Variants in HOOK3 observed in about 807,000 individuals in gnomAD.
HOOK3 encodes protein Hook homolog 3.
Under a neutral mutation model 116.3 loss-of-function variants are expected in HOOK3, and 24 were observed. That is an observed-to-expected ratio of 0.21 (90% CI 0.15 to 0.29). The LOEUF (loss-of-function observed/expected upper bound fraction) is 0.29, where lower values mean the gene tolerates loss of function less well. HOOK3 is among the 10% of genes least tolerant of loss of function. The pLI is 1.00. For synonymous variants in HOOK3, 275 were observed against 283.0 expected, an observed-to-expected ratio of 0.97 and a Z score of 0.28; for missense variants, 632 against 830.2, an observed-to-expected ratio of 0.76 and a Z score of 2.93.
rs1393289018 is a variant in HOOK3, at chr8:42,951,141, ACCT to A, written c.468+689_468+691del. On this transcript the variant is annotated intron_variant, in intron 6 of 21. Coordinates refer to ENST00000307602, the MANE Select transcript of HOOK3 (RefSeq NM_032410.4). The stretch of plus-strand genomic sequence containing the variant: ...AATGGTGTGATCTTGGCTCACTGCA[ACCT>A]CCACCACCCAGGTTCAAGCAATTCT... Among the ~76,000 whole-genome samples, 3 of 151,606 alleles carry A rather than the reference ACCT, an allele frequency of 2.0e-5. No individual in the cohort carries two copies. In the East Asian group the frequency reaches 5.8e-4, roughly 29 times the overall value.
chr8:42,953,214 A>G (rs937763423), intron 6 of HOOK3, among the ~76,000 whole-genome samples: 2 of 148,972 alleles, frequency 1.3e-5, no homozygotes, highest in African/African-American at 4.9e-5. Flanking sequence ...ATTCTGCCTT[A>G]GTGTAGTTGA....
intron 15 of HOOK3, among the ~76,000 whole-genome samples, chr8:42,996,203 T>C (rs961803506): frequency 7.2e-5 from 11 of 151,834 alleles, no homozygotes; most frequent in Non-Finnish European, 1.2e-4. Flanking sequence ...CTGATCAACA[T>C]AGTGAAACCC....
chr8:42,915,722 A>G (rs985928976), intron 2 of HOOK3, among the ~76,000 whole-genome samples: 1 of 152,112 alleles, frequency 6.6e-6, no homozygotes, highest in African/African-American at 2.4e-5. Context: ...ATGAGCCACC[A>G]TGCCTGGCCA....
chr8:42,974,531 G>A lies in HOOK3; in HGVS notation c.1321+337G>A, dbSNP rs1450667495. 3.9e-5 allele frequency among the ~76,000 whole-genome samples: 6 copies of A among 152,296 alleles called. No individual in the cohort carries two copies. The East Asian group carries it at 1.2e-3, about 29-fold the overall frequency. On this transcript the variant is annotated intron_variant, in intron 13 of 21. Coordinates refer to ENST00000307602, the MANE Select transcript of HOOK3 (RefSeq NM_032410.4). Reference sequence around the variant, plus strand: ...TGGGATTATAGGCGTGAGCCACCACGCCCAGCCAGATGATTTATTTCTAGT... The same window carrying A: ...TGGGATTATAGGCGTGAGCCACCACACCCAGCCAGATGATTTATTTCTAGT...
Position 43,023,862 on chromosome 8 carries a change from T to C in HOOK3, c.*5364T>C, listed in dbSNP as rs1193007376. ...TCCTGCTCCCTCACAAAAATTCACCTGTCATTTTAATGATAACAGCATGTT... is the reference window on the plus strand; with the variant it reads ...TCCTGCTCCCTCACAAAAATTCACCCGTCATTTTAATGATAACAGCATGTT... On this transcript the variant is annotated 3_prime_UTR_variant, in exon 22 of 22. Transcript: ENST00000307602. 1 of 204,690 alleles carries C rather than the reference T, an allele frequency of 4.9e-6. No individual in the cohort carries two copies. The highest frequency in any genetic ancestry group is 2.3e-5 in the African/African-American group (1 of 43,884). 12.7% of individuals were successfully genotyped at this position (204,690 alleles called of 1,614,324 possible).
At chr8:42,992,187 TCAGGAGATTGAGAC>T (rs74368602) in intron 15 of HOOK3, among the ~76,000 whole-genome samples, 12,243 of 151,478 alleles carry the variant, frequency 0.081, 561 homozygotes, top group African/African-American at 0.13. Context: ...GATCACGAGG[TCAGGAGATTGAGAC>T]CATCCTGGCG....
intron 11 of HOOK3, among the ~76,000 whole-genome samples, chr8:42,971,413 C>T (rs1251781253): frequency 2.0e-5 from 3 of 149,620 alleles, no homozygotes; most frequent in Admixed American, 6.7e-5. Flanking sequence ...ATTACAGGCA[C>T]CTGCCACCAT....
At chr8:42,949,626 A>G (rs897830774) in intron 5 of HOOK3, 4 of 152,232 alleles carry the variant, frequency 2.6e-5, no homozygotes, top group Non-Finnish European at 5.9e-5. Flanking sequence ...TGTAGAAGAA[A>G]ATATTAAGCC....
intron 2 of HOOK3, among the ~76,000 whole-genome samples, chr8:42,925,124 G>T (rs1807738753): frequency 6.6e-6 from 1 of 151,918 alleles, no homozygotes; most frequent in Non-Finnish European, 1.5e-5. Flanking sequence ...TTGAGACAGG[G>T]TCTCACTCTG....
chr8:42,958,153 G>A (rs973641296), intron 7 of HOOK3, among the ~76,000 whole-genome samples: 8 of 152,114 alleles, frequency 5.3e-5, no homozygotes, highest in Admixed American at 3.3e-4. Context: ...TCTTAATGAA[G>A]TGTTAATTAC....
chr8:42,901,677 A>G (rs1807192269), intron 1 of HOOK3, among the ~76,000 whole-genome samples: 1 of 152,200 alleles, frequency 6.6e-6, no homozygotes, highest in Non-Finnish European at 1.5e-5. Context: ...ACAAAAATGA[A>G]AATTTAGCTT....
At chr8:42,989,962 C>A (rs1277046328) in intron 15 of HOOK3, among the ~76,000 whole-genome samples, 2 of 152,078 alleles carry the variant, frequency 1.3e-5, no homozygotes, top group East Asian at 3.9e-4. Flanking sequence ...TCTACATCTA[C>A]ATATACCACA....
intron 3 of HOOK3, among the ~76,000 whole-genome samples, chr8:42,927,933 G>C (rs1475164737): frequency 6.6e-6 from 1 of 152,070 alleles, no homozygotes; most frequent in African/African-American, 2.4e-5. Context: ...GATCACTTGC[G>C]GTCAGGAGTT....
chr8:42,959,553 T>C (rs1298103935), intron 8 of HOOK3, among the ~76,000 whole-genome samples: 2 of 151,724 alleles, frequency 1.3e-5, no homozygotes, highest in East Asian at 3.9e-4. Flanking sequence ...ACCCCATCTC[T>C]ACTAAAATAC....
At chr8:42,934,602 C>T (rs1807931223) in intron 4 of HOOK3, among the ~76,000 whole-genome samples, 1 of 151,094 alleles carries the variant, frequency 6.6e-6, no homozygotes, top group Non-Finnish European at 1.5e-5. Context: ...TCCATGTGTT[C>T]TCACTGTTCA....
intron 2 of HOOK3, among the ~76,000 whole-genome samples, chr8:42,920,906 T>C (rs1807644421): frequency 6.6e-6 from 1 of 152,224 alleles, no homozygotes; most frequent in Non-Finnish European, 1.5e-5. Flanking sequence ...CAGATGTTAC[T>C]GGTGTCATAC....
chr8:42,981,910 A>G (rs571144126), intron 13 of HOOK3, among the ~76,000 whole-genome samples: 1 of 148,892 alleles, frequency 6.7e-6, no homozygotes, highest in South Asian at 2.1e-4. Context: ...AGAATAAGGA[A>G]TATTTTCTAT....
rs763319416 is a variant in HOOK3, at chr8:42,966,650, C to G, written c.920+37C>G. 4 of 1,599,288 alleles carry G rather than the reference C, an allele frequency of 2.5e-6. No individual in the cohort carries two copies. In the Admixed American group the frequency reaches 5.1e-5, roughly 20 times the overall value. On this transcript the variant is annotated intron_variant, in intron 10 of 21. Transcript: ENST00000307602. ...ACCTTCACCGCCCAGCACAGTTTGG[C>G]TCTGGTGTTAGAAACTCTAGGGTTT...
chr8:43,008,048 T>G, intron 18 of HOOK3, 119 bp downstream of exon 18: 194 of 345,772 alleles, frequency 5.6e-4, no homozygotes, highest in Non-Finnish European at 8.7e-4. Flanking sequence ...TGAGATGAAG[T>G]CTCACTCTCA....
Sources: gnomAD v4.1 joint callset for allele counts (sites outside exome capture counted in the v4.1 genomes callset) on GRCh38, gnomAD v4.1.1 for gene constraint, MANE v1.5 for transcripts, NCBI Gene and HGNC (gene_info 2026-07-23, HGNC 2026-07-21) for gene names.